Variants in SPECC1 observed in about 807,000 individuals in gnomAD.
The protein encoded by SPECC1 is sperm antigen with calponin homology and coiled-coil domains 1.
SPECC1 carries 62 observed loss-of-function variants against 104.1 expected under a neutral mutation model. The observed-to-expected ratio is 0.60, with a 90% CI of 0.49 to 0.74. SPECC1 has a LOEUF of 0.74. Among genes scored for constraint, SPECC1 ranks in the 30% least tolerant of loss-of-function variants. SPECC1 has a pLI of 0.00. For synonymous variants in SPECC1, 513 were observed against 501.6 expected (o/e 1.02, Z -0.30); for missense variants, 1,306 against 1,310.5 (o/e 1.00, Z 0.05).
chr17:20,247,487 C>T (rs922373970), intron 9 of SPECC1, among the ~76,000 whole-genome samples, 168 bp downstream of exon 9: 3 of 152,158 alleles, frequency 2.0e-5, no homozygotes, highest in Non-Finnish European at 2.9e-5. Flanking sequence ...ACTTTATCAT[C>T]GGAATGTAAG....
chr17:20,301,683 C>T (rs369922278), intron 13 of SPECC1, among the ~76,000 whole-genome samples: 35 of 152,060 alleles, frequency 2.3e-4, no homozygotes, highest in African/African-American at 8.0e-4. Flanking sequence ...ATTTACAGTC[C>T]ATGAAAGATT....
chr17:20,122,891 C>A (rs1478916595), intron 3 of SPECC1, among the ~76,000 whole-genome samples: 1 of 152,164 alleles, frequency 6.6e-6, no homozygotes, highest in Non-Finnish European at 1.5e-5. Flanking sequence ...GTTGAAGGAC[C>A]CTTGGCCTAT....
At chr17:20,093,571 A>T (rs1597682527) in intron 1 of SPECC1, among the ~76,000 whole-genome samples, 1 of 152,048 alleles carries the variant, frequency 6.6e-6, no homozygotes, top group Non-Finnish European at 1.5e-5. Context: ...AGATGACGGG[A>T]GGGATGTAGA....
chr17:20,050,305 G>A (rs1480346505), intron 1 of SPECC1, among the ~76,000 whole-genome samples: 2 of 152,038 alleles, frequency 1.3e-5, no homozygotes, highest in African/African-American at 4.8e-5. Context: ...TGTTTTTCCT[G>A]ATGCCTATCC....
At position 20,316,147 on chromosome 17, in the gene SPECC1, T is replaced by A. The variant is rs1450615829; in HGVS notation, c.*2082T>A. On this transcript the variant is annotated 3_prime_UTR_variant, in exon 15 of 15. Transcript: ENST00000395527. ...ACCTGAAAGTTACTACTTCTGCTGA[T>A]TCAGGCACTTGTTTGAAGCATTTTT... The A allele has an allele frequency of 4.3e-6, 1 of 231,668 alleles. No individual in the cohort carries two copies. The highest frequency in any genetic ancestry group is 5.6e-5 in the Admixed American group (1 of 17,728). 14.4% of individuals were successfully genotyped at this position (231,668 alleles called of 1,614,324 possible). A position where few individuals can be genotyped will look rare whatever the true frequency, so the allele number is the denominator to read the frequency against.
At chr17:20,225,303 C>G (rs2151447773) in intron 4 of SPECC1, among the ~76,000 whole-genome samples, 1 of 152,280 alleles carries the variant, frequency 6.6e-6, no homozygotes, top group East Asian at 1.9e-4. Context: ...ACTCCAAGTC[C>G]ACTGTCTGAG....
intron 5 of SPECC1, among the ~76,000 whole-genome samples, chr17:20,229,550 T>G (rs922951022): frequency 1.3e-5 from 2 of 152,148 alleles, no homozygotes; most frequent in African/African-American, 2.4e-5. Flanking sequence ...GGCGCATGCC[T>G]TTAGTCCCAG....
intron 8 of SPECC1, among the ~76,000 whole-genome samples, chr17:20,246,294 T>A (rs1313833796): frequency 1.3e-5 from 2 of 152,180 alleles, no homozygotes; most frequent in Non-Finnish European, 2.9e-5. Context: ...TGCAGCCTCT[T>A]CCTCTCTACC....
In SPECC1 at chr17:20,115,976, A is replaced by G. The variant is rs142370539; in HGVS notation, c.283+5414A>G. Among the ~76,000 whole-genome samples, 964 of 152,350 alleles carry G rather than the reference A, an allele frequency of 6.3e-3. 4 individuals are homozygous for G. Among genetic ancestry groups the G allele is most frequent in the African/African-American group, 0.017 (720 of 41,596 alleles). On this transcript the variant is annotated intron_variant, in intron 3 of 14. Transcript: ENST00000395527. The stretch of plus-strand genomic sequence containing the variant: ...CAGATAATAACATTGTATGCTTTGA[A>G]TTTCCTGAAAATTGTCTTAGAATTT...
chr17:20,118,341 G>A (rs970366434), intron 3 of SPECC1, among the ~76,000 whole-genome samples: 1 of 152,212 alleles, frequency 6.6e-6, no homozygotes, highest in East Asian at 1.9e-4. Context: ...GATATTCTTG[G>A]AAAAGGATGC....
chr17:20,190,622 C>A (rs747086690), intron 3 of SPECC1, among the ~76,000 whole-genome samples: 1 of 152,144 alleles, frequency 6.6e-6, no homozygotes, highest in African/African-American at 2.4e-5. Flanking sequence ...GAACCCACAC[C>A]GATGTAACAT....
intron 1 of SPECC1, among the ~76,000 whole-genome samples, chr17:20,016,102 C>T (rs1159369437): frequency 1.3e-5 from 2 of 150,798 alleles, no homozygotes; most frequent in African/African-American, 2.4e-5. Flanking sequence ...CCTGTAGTCC[C>T]AGCTACTCAG....
At chr17:20,183,832 A>C (rs1000251431) in intron 3 of SPECC1, among the ~76,000 whole-genome samples, 4 of 152,122 alleles carry the variant, frequency 2.6e-5, no homozygotes, top group Non-Finnish European at 5.9e-5. Context: ...GGAACCCAGA[A>C]ATATGGAAGG....
chr17:20,301,580 A>G (rs1040956304), intron 13 of SPECC1, among the ~76,000 whole-genome samples: 2 of 152,180 alleles, frequency 1.3e-5, no homozygotes, highest in African/African-American at 2.4e-5. Context: ...CAATTAAACT[A>G]TGTCTGACAT....
At chr17:20,301,409 ATTT>A (rs559604892) in intron 13 of SPECC1, among the ~76,000 whole-genome samples, 4,922 of 141,926 alleles carry the variant, frequency 0.035, 122 homozygotes, top group Middle Eastern at 0.068. Flanking sequence ...GTGCCAGGGC[ATTT>A]TTTTTTTTTT....
In SPECC1 at chr17:20,315,036, C is replaced by A; in HGVS notation, c.*971C>A. 1 of 232,726 alleles carries A rather than the reference C, an allele frequency of 4.3e-6. No individual in the cohort carries two copies. The allele number at this position is 232,726 out of a possible 1,614,324, so 14.4% of individuals were successfully genotyped here. The stretch of plus-strand genomic sequence containing the variant: ...TCACCTGCGCCTTTGTCCTCCCATT[C>A]GTTTACCCTCCCGTTCACATCCACA... On this transcript the variant is annotated 3_prime_UTR_variant, in exon 15 of 15. Transcript: ENST00000395527.
chr17:20,015,298 A>ATTTTT (rs772928670), intron 1 of SPECC1, among the ~76,000 whole-genome samples: 1 of 141,892 alleles, frequency 7.0e-6, no homozygotes, highest in African/African-American at 2.6e-5. Flanking sequence ...TTTTAATTTA[A>ATTTTT]TTTTTTTTTT....
intron 2 of SPECC1, among the ~76,000 whole-genome samples, chr17:20,099,755 A>G (rs1449473663): frequency 6.6e-6 from 1 of 151,588 alleles, no homozygotes; most frequent in East Asian, 1.9e-4. Context: ...CGGAAGAAGC[A>G]TAGGAATGTT....
At chr17:20,037,619 C>A (rs1355788789) in intron 1 of SPECC1, among the ~76,000 whole-genome samples, 1 of 152,014 alleles carries the variant, frequency 6.6e-6, no homozygotes, top group Admixed American at 6.6e-5. Flanking sequence ...GAGATGTTCC[C>A]TTCTCTTCAG....
Sources: gnomAD v4.1 joint callset for allele counts (sites outside exome capture counted in the v4.1 genomes callset) on GRCh38, gnomAD v4.1.1 for gene constraint, MANE v1.5 for transcripts, NCBI Gene and HGNC (gene_info 2026-07-23, HGNC 2026-07-21) for gene names.